Variants in TRHDE observed in about 807,000 individuals in gnomAD.
The protein encoded by TRHDE is thyrotropin releasing hormone degrading enzyme, also known as thyrotropin-releasing hormone-degrading ectoenzyme.
A neutral mutation model predicts 125.7 loss-of-function variants in TRHDE; 72 were observed. The observed-to-expected ratio is 0.57, with a 90% CI of 0.47 to 0.70. The LOEUF (loss-of-function observed/expected upper bound fraction) is 0.70. Among genes scored for constraint, TRHDE ranks in the 30% least tolerant of loss-of-function variants. TRHDE has a pLI of 0.00. For missense variants in TRHDE, 1,110 were observed against 1,327.1 expected, an observed-to-expected ratio of 0.84 and a Z score of 2.54; for synonymous variants, 509 against 509.1, an observed-to-expected ratio of 1.00 and a Z score of 0.00.
intron 2 of TRHDE, among the ~76,000 whole-genome samples, chr12:72,135,052 AAAGAC>A (rs1273965513): frequency 6.6e-6 from 1 of 152,202 alleles, no homozygotes; most frequent in Admixed American, 6.5e-5. Flanking sequence ...AGAAAAAAGA[AAAGAC>A]AAGGATGTGA....
intron 2 of TRHDE, among the ~76,000 whole-genome samples, chr12:72,311,885 T>C (rs1186394850): frequency 1.3e-5 from 2 of 151,452 alleles, no homozygotes; most frequent in Non-Finnish European, 2.9e-5. Flanking sequence ...AGTACTTTCC[T>C]TCCAGAAAGG....
intron 1 of TRHDE, among the ~76,000 whole-genome samples, chr12:72,093,620 A>C (rs1044499858): frequency 6.6e-6 from 1 of 151,678 alleles, no homozygotes; most frequent in African/African-American, 2.4e-5. Flanking sequence ...CTCTTTATTA[A>C]ATTTTTCACT....
intron 1 of TRHDE, chr12:72,274,464 G>A (rs1879405600): frequency 6.6e-6 from 1 of 152,194 alleles, no homozygotes; most frequent in Non-Finnish European, 1.5e-5. Flanking sequence ...AACTGAGTTC[G>A]AATCTCTGCT....
chr12:72,436,918 A>G (rs372066156), intron 3 of TRHDE, among the ~76,000 whole-genome samples: 1 of 151,852 alleles, frequency 6.6e-6, no homozygotes, highest in African/African-American at 2.4e-5. Context: ...CATCATCTAC[A>G]TATTAAATTT....
intron 1 of TRHDE, among the ~76,000 whole-genome samples, chr12:72,097,440 ATTTTTTTTTTTTTT>A (rs869290442): frequency 4.6e-5 from 1 of 21,640 alleles, no homozygotes; most frequent in Admixed American, 5.9e-4. Flanking sequence ...TTCTCACTGA[ATTTTTTTTTTTTTT>A]TTTTTTTTTT....
At chr12:72,430,128 T>C (rs1338925601) in intron 3 of TRHDE, among the ~76,000 whole-genome samples, 1 of 151,048 alleles carries the variant, frequency 6.6e-6, no homozygotes, top group Non-Finnish European at 1.5e-5. Context: ...TGGTTTTAGC[T>C]CTTATGTTTA....
chr12:72,169,386 G>C (rs1238058346), intron 2 of TRHDE, among the ~76,000 whole-genome samples: 1 of 152,154 alleles, frequency 6.6e-6, no homozygotes, highest in African/African-American at 2.4e-5. Flanking sequence ...CATATCCTAA[G>C]TGGCTTAAAC....
chr12:72,446,789 G>T (rs1044316736), intron 3 of TRHDE, among the ~76,000 whole-genome samples: 2 of 152,006 alleles, frequency 1.3e-5, no homozygotes, highest in African/African-American at 2.4e-5. Context: ...AATGGTAAAG[G>T]GATCAATTCA....
chr12:72,399,371 A>G (rs1054022946), intron 3 of TRHDE, among the ~76,000 whole-genome samples: 4 of 152,192 alleles, frequency 2.6e-5, no homozygotes, highest in African/African-American at 7.2e-5. Flanking sequence ...TTTGGAAAGT[A>G]CTAACCATTT....
At chr12:72,405,536 TC>T (rs1793151694) in intron 3 of TRHDE, among the ~76,000 whole-genome samples, 1 of 152,188 alleles carries the variant, frequency 6.6e-6, no homozygotes, top group Admixed American at 6.5e-5. Context: ...ATTAAGTCTC[TC>T]TCATTGAAAG....
At position 72,377,519 on chromosome 12, in the gene TRHDE, A is replaced by G. The variant is rs932080727; in HGVS notation, c.1189-476A>G. The stretch of plus-strand genomic sequence containing the variant: ...TGGGAATAAAGACAGTTGATTCCAA[A>G]GAAAAAAAGGAAGCATAAATTATAG... On this transcript the variant is annotated intron_variant, in intron 2 of 18. Transcript: ENST00000261180. 1.6e-4 allele frequency among the ~76,000 whole-genome samples: 24 copies of G among 152,194 alleles called. 1 individual carries two copies. The highest frequency in any genetic ancestry group is 6.5e-4 in the Admixed American group (10 of 15,268).
chr12:72,106,339 C>A (rs1875186665), intron 2 of TRHDE, among the ~76,000 whole-genome samples: 1 of 150,996 alleles, frequency 6.6e-6, no homozygotes, highest in African/African-American at 2.4e-5. Flanking sequence ...GTGAAAAATA[C>A]TAAAAAATTA....
intron 2 of TRHDE, among the ~76,000 whole-genome samples, chr12:72,120,435 A>T (rs1011245176): frequency 6.6e-6 from 1 of 151,090 alleles, no homozygotes; most frequent in Non-Finnish European, 1.5e-5. Flanking sequence ...CTTTAATTTG[A>T]TCACCTTCCT....
At chr12:72,487,998 CA>C (rs889794276) in intron 5 of TRHDE, among the ~76,000 whole-genome samples, 5 of 147,838 alleles carry the variant, frequency 3.4e-5, no homozygotes, top group Non-Finnish European at 7.5e-5. Context: ...AACCACAAAA[CA>C]AAAAAAAATT....
chr12:72,270,775 G>C (rs556562754), upstream of TRHDE, among the ~76,000 whole-genome samples: 1 of 152,142 alleles, frequency 6.6e-6, no homozygotes, highest in African/African-American at 2.4e-5. Flanking sequence ...AGAGTTCTTC[G>C]CACAAATTCT....
intron 7 of TRHDE, among the ~76,000 whole-genome samples, chr12:72,558,812 AG>A (rs1299041147): frequency 6.6e-6 from 1 of 152,142 alleles, no homozygotes; most frequent in Non-Finnish European, 1.5e-5. Flanking sequence ...TCACTGGAGA[AG>A]GGCCACCAAA....
intron 3 of TRHDE, among the ~76,000 whole-genome samples, chr12:72,437,996 G>T (rs1250369626): frequency 6.6e-6 from 1 of 151,628 alleles, no homozygotes; most frequent in Non-Finnish European, 1.5e-5. Flanking sequence ...AGCTTTTTTA[G>T]ATTTCATATG....
In TRHDE at chr12:72,548,371, T is replaced by C. The variant is rs182045752; in HGVS notation, c.1788+6015T>C. Reference sequence around the variant, plus strand: ...ACAGCATCTTTTGGTAATTCTTGCATTGCATCTTTGACTTACAGGGTTCTT... The same window carrying C: ...ACAGCATCTTTTGGTAATTCTTGCACTGCATCTTTGACTTACAGGGTTCTT... On this transcript the variant is annotated intron_variant, in intron 7 of 18. Transcript: ENST00000261180. Among the ~76,000 whole-genome samples, 9 of 151,956 alleles carry C rather than the reference T, an allele frequency of 5.9e-5. No individual in the cohort carries two copies. In the East Asian group the frequency reaches 1.7e-3, roughly 29 times the overall value.
chr12:72,562,735 G>T (rs1870238528), intron 8 of TRHDE, 118 bp from the exon 9 acceptor site: 1 of 626,376 alleles, frequency 1.6e-6, no homozygotes, highest in Non-Finnish European at 2.6e-6. Flanking sequence ...TGGCTTCAAT[G>T]ACTTTAAATG....
Sources: gnomAD v4.1 joint callset for allele counts (sites outside exome capture counted in the v4.1 genomes callset) on GRCh38, gnomAD v4.1.1 for gene constraint, MANE v1.5 for transcripts, NCBI Gene and HGNC (gene_info 2026-07-23, HGNC 2026-07-21) for gene names.